Variants in ROPN1L observed in about 807,000 individuals in gnomAD.
ROPN1L encodes the protein ropporin-1-like protein.
Under a neutral mutation model 22.7 loss-of-function variants are expected in ROPN1L, and 23 were observed. That is an observed-to-expected ratio of 1.01 (90% CI 0.73 to 1.43). The LOEUF (loss-of-function observed/expected upper bound fraction) is 1.43. ROPN1L is among the 40% of genes most tolerant of loss of function. The probability of loss-of-function intolerance (pLI) is 0.00; values close to 1 mark genes in which losing one functional copy is unlikely to be tolerated. For missense variants in ROPN1L, 271 were observed against 291.5 expected, an observed-to-expected ratio of 0.93 and a Z score of 0.51; for synonymous variants, 116 against 117.8, an observed-to-expected ratio of 0.98 and a Z score of 0.10.
chr5:10,468,972 G>A (rs564902490), downstream of ROPN1L, among the ~76,000 whole-genome samples: 305 of 152,216 alleles, frequency 2.0e-3, 1 homozygote, highest in African/African-American at 6.8e-3. Flanking sequence ...TGGCTAACAC[G>A]GTGAAACCCC....
At chr5:10,471,525 G>A (rs1302816355) in intron 4 of ROPN1L, among the ~76,000 whole-genome samples, 1 of 152,206 alleles carries the variant, frequency 6.6e-6, no homozygotes, top group African/African-American at 2.4e-5. Flanking sequence ...TTCGAAGAAG[G>A]TTTCAAGGAG....
chr5:10,468,737 C>A (rs765909869), downstream of ROPN1L, among the ~76,000 whole-genome samples: 1 of 152,108 alleles, frequency 6.6e-6, no homozygotes, highest in Non-Finnish European at 1.5e-5. Flanking sequence ...GCCTGAGGAC[C>A]CTAACGGGAT....
chr5:10,450,602 G>A (rs1007834453), intron 3 of ROPN1L, among the ~76,000 whole-genome samples: 1 of 152,106 alleles, frequency 6.6e-6, no homozygotes, highest in Non-Finnish European at 1.5e-5. Context: ...AGGTTCAAGC[G>A]ATTCCCTGTC....
chr5:10,473,082 T>C (rs894354802), downstream of ROPN1L, among the ~76,000 whole-genome samples: 1 of 152,208 alleles, frequency 6.6e-6, no homozygotes, highest in Non-Finnish European at 1.5e-5. Flanking sequence ...CCCTCCAGGC[T>C]TACACAATAT....
downstream of ROPN1L, among the ~76,000 whole-genome samples, chr5:10,474,813 C>A (rs1045287169): frequency 6.6e-6 from 1 of 152,164 alleles, no homozygotes; most frequent in African/African-American, 2.4e-5. Flanking sequence ...TGAATAGGAG[C>A]GGCTGAGCTT....
chr5:10,454,287 C>A (rs372476716), intron 3 of ROPN1L, among the ~76,000 whole-genome samples: 15 of 152,222 alleles, frequency 9.9e-5, no homozygotes, highest in East Asian at 7.7e-4. Context: ...CCACATCCAG[C>A]TAATTTTTTA....
intron 3 of ROPN1L, among the ~76,000 whole-genome samples, chr5:10,453,451 A>G (rs1007266905): frequency 7.9e-5 from 12 of 152,062 alleles, no homozygotes; most frequent in African/African-American, 2.9e-4. Context: ...GAATTCAAGG[A>G]GGGGTTTCTT....
downstream of ROPN1L, among the ~76,000 whole-genome samples, chr5:10,468,756 G>C (rs943944119): frequency 1.3e-5 from 2 of 152,204 alleles, no homozygotes; most frequent in African/African-American, 4.8e-5. Flanking sequence ...ATTGATAGGG[G>C]CTCCAGTACA....
intron 3 of ROPN1L, among the ~76,000 whole-genome samples, chr5:10,456,225 G>A (rs1019455640): frequency 3.3e-5 from 5 of 152,192 alleles, no homozygotes; most frequent in African/African-American, 1.2e-4. Flanking sequence ...AGTGGCTCAC[G>A]CCTGTAATCC....
In ROPN1L at chr5:10,460,931, T is replaced by G. The variant is rs2303985; in HGVS notation, c.418-253T>G. Among the ~76,000 whole-genome samples the G allele has an allele frequency of 8.6e-3, 1,312 of 152,392 alleles. 34 individuals are homozygous for G. The highest frequency in any genetic ancestry group is 0.079 in the South Asian group (380 of 4,830). On this transcript the variant is annotated intron_variant, in intron 3 of 4. Transcript: ENST00000274134. The stretch of plus-strand genomic sequence containing the variant: ...CTTCCTTTTGTCTGTAACAGTCATT[T>G]CTATTTTAATAGAAAATAAGATCTG...
At chr5:10,456,991 A>G (rs1741442012) in intron 3 of ROPN1L, among the ~76,000 whole-genome samples, 1 of 152,202 alleles carries the variant, frequency 6.6e-6, no homozygotes, top group African/African-American at 2.4e-5. Flanking sequence ...TGTCCAGTGT[A>G]AAAGCAAATC....
chr5:10,458,119 A>G (rs188491444), intron 3 of ROPN1L, among the ~76,000 whole-genome samples: 259 of 152,176 alleles, frequency 1.7e-3, no homozygotes, highest in African/African-American at 6.0e-3. Flanking sequence ...ACTTAGCAGT[A>G]GGCTCATGAG....
At chr5:10,461,136 A>G (rs1195527522) in intron 3 of ROPN1L, 48 bp from the exon 4 acceptor site, 1 of 1,539,198 alleles carries the variant, frequency 6.5e-7, no homozygotes. Flanking sequence ...AATGTGAGTG[A>G]TGCCAGGAGT....
At chr5:10,461,541 G>A (rs1735030633) in intron 4 of ROPN1L, 182 bp downstream of exon 4, 1 of 583,378 alleles carries the variant, frequency 1.7e-6, no homozygotes, top group Non-Finnish European at 3.0e-6. Flanking sequence ...GCAAGCAAGT[G>A]GTCCTGCAGC....
chr5:10,458,157 A>G (rs1298114816), intron 3 of ROPN1L, among the ~76,000 whole-genome samples: 1 of 151,986 alleles, frequency 6.6e-6, no homozygotes, highest in Non-Finnish European at 1.5e-5. Context: ...CCGGGCTCCG[A>G]GGAAATCCTG....
At chr5:10,481,762 G>A in the ROPN1L span, 1 of 152,236 alleles carries the variant, frequency 6.6e-6, no homozygotes, top group African/African-American at 2.4e-5. Context: ...GAGCTCAGGG[G>A]ATGCAGATGC....
chr5:10,463,371 G>A (rs1735078385), intron 4 of ROPN1L, among the ~76,000 whole-genome samples: 1 of 152,244 alleles, frequency 6.6e-6, no homozygotes, highest in Non-Finnish European at 1.5e-5. Context: ...TACCTATGGG[G>A]AGGCAGAGAG....
chr5:10,467,861 C>T (rs752078865), downstream of ROPN1L, among the ~76,000 whole-genome samples: 1 of 152,168 alleles, frequency 6.6e-6, no homozygotes, highest in Non-Finnish European at 1.5e-5. Flanking sequence ...AGGCCTCATT[C>T]GGAGGATAAG....
At chr5:10,471,518 G>C (rs550520651) in intron 4 of ROPN1L, among the ~76,000 whole-genome samples, 10 of 152,298 alleles carry the variant, frequency 6.6e-5, no homozygotes, top group African/African-American at 2.4e-4. Flanking sequence ...CAGGGTTTTC[G>C]AAGAAGGTTT....
Sources: gnomAD v4.1 joint callset for allele counts (sites outside exome capture counted in the v4.1 genomes callset) on GRCh38, gnomAD v4.1.1 for gene constraint, MANE v1.5 for transcripts, NCBI Gene and HGNC (gene_info 2026-07-23, HGNC 2026-07-21) for gene names.